Variants in STPG2 observed in about 807,000 individuals in gnomAD.
STPG2 encodes the protein sperm tail PG-rich repeat containing 2.
A neutral mutation model predicts 54.2 loss-of-function variants in STPG2; 56 were observed. That is an observed-to-expected ratio of 1.03 (90% confidence interval 0.83 to 1.29). The LOEUF is 1.29. Ranked by LOEUF, STPG2 falls within the 50% of genes most tolerant of loss-of-function variation. The pLI is 0.00. For missense variants in STPG2, 596 were observed against 544.9 expected, an observed-to-expected ratio of 1.09 and a Z score of -0.93; for synonymous variants, 200 against 181.8, an observed-to-expected ratio of 1.10 and a Z score of -0.81.
chr4:97,572,347 G>C (rs1394020817), intron 10 of STPG2, among the ~76,000 whole-genome samples: 1 of 152,062 alleles, frequency 6.6e-6, no homozygotes, highest in East Asian at 1.9e-4. Flanking sequence ...ACTCATTCCT[G>C]TCATCATAGA....
intron 4 of STPG2, among the ~76,000 whole-genome samples, chr4:97,458,247 C>T (rs927621388): frequency 6.6e-6 from 1 of 152,096 alleles, no homozygotes; most frequent in Non-Finnish European, 1.5e-5. Flanking sequence ...AAAGAGTAGC[C>T]TAATGTCCAC....
chr4:97,987,503 G>C (rs886457685), intron 5 of STPG2, among the ~76,000 whole-genome samples: 4 of 152,040 alleles, frequency 2.6e-5, no homozygotes, highest in Non-Finnish European at 5.9e-5. Flanking sequence ...AATTAATTCA[G>C]TAAGTTCTGA....
chr4:98,126,673 C>G (rs1216879388), intron 3 of STPG2, among the ~76,000 whole-genome samples: 1 of 152,216 alleles, frequency 6.6e-6, no homozygotes, highest in Non-Finnish European at 1.5e-5. Flanking sequence ...CCACAGACCA[C>G]AGCTGCTTCT....
At chr4:98,028,245 A>C (rs1736490040) in intron 5 of STPG2, among the ~76,000 whole-genome samples, 1 of 152,198 alleles carries the variant, frequency 6.6e-6, no homozygotes, top group Admixed American at 6.6e-5. Flanking sequence ...ATAGGTTGGA[A>C]ATTTCCCGCA....
chr4:97,889,546 C>T (rs1254350245), intron 8 of STPG2, among the ~76,000 whole-genome samples: 1 of 152,080 alleles, frequency 6.6e-6, no homozygotes, highest in African/African-American at 2.4e-5. Flanking sequence ...CATTATGTTA[C>T]ACAAAATAAG....
chr4:97,980,443 C>A (rs1235190350), intron 6 of STPG2, among the ~76,000 whole-genome samples: 1 of 152,120 alleles, frequency 6.6e-6, no homozygotes, highest in Non-Finnish European at 1.5e-5. Context: ...ATGCAGAAGA[C>A]ATGATATCCT....
At chr4:98,001,929 G>A (rs1393959208) in intron 5 of STPG2, among the ~76,000 whole-genome samples, 3 of 152,066 alleles carry the variant, frequency 2.0e-5, no homozygotes, top group Non-Finnish European at 4.4e-5. Flanking sequence ...TCCCCACTTA[G>A]CTCTTTAATA....
At chr4:97,919,329 G>GA (rs1227704779) in intron 8 of STPG2, among the ~76,000 whole-genome samples, 29 of 149,782 alleles carry the variant, frequency 1.9e-4, no homozygotes, top group Admixed American at 1.5e-3. Context: ...AAATGCAAAA[G>GA]AAAAAATATA....
intron 7 of STPG2, among the ~76,000 whole-genome samples, 191 bp downstream of exon 7, chr4:97,972,089 G>A (rs1234280606): frequency 6.6e-6 from 1 of 151,914 alleles, no homozygotes; most frequent in Non-Finnish European, 1.5e-5. Context: ...AATTCAATTT[G>A]TGTTTTTTAT....
intron 10 of STPG2, among the ~76,000 whole-genome samples, chr4:97,614,045 G>A (rs754710535): frequency 6.6e-6 from 1 of 152,020 alleles, no homozygotes; most frequent in Non-Finnish European, 1.5e-5. Flanking sequence ...TCAAATGAAT[G>A]TGTATTATGT....
chr4:97,916,096 G>A (rs1193099817), intron 8 of STPG2, among the ~76,000 whole-genome samples: 1 of 152,080 alleles, frequency 6.6e-6, no homozygotes, highest in African/African-American at 2.4e-5. Context: ...TGATTTGCCT[G>A]GGATATGTTT....
chr4:97,747,089 G>A (rs1401271488), intron 9 of STPG2, among the ~76,000 whole-genome samples: 3 of 150,860 alleles, frequency 2.0e-5, no homozygotes, highest in Non-Finnish European at 4.5e-5. Flanking sequence ...TAGAGTTATA[G>A]AACCAACCTT....
Position 97,972,367 on chromosome 4 carries a change from CT to C in STPG2, c.845del (p.Lys282ArgfsTer47). The C allele has an allele frequency of 9.3e-6, 15 of 1,610,248 alleles. No individual in the cohort carries two copies. The highest frequency in any genetic ancestry group is 2.7e-5 in the African/African-American group (2 of 74,902). On this transcript the variant is annotated frameshift_variant, in exon 7 of 11. Transcript: ENST00000295268. LOFTEE classifies it high-confidence loss of function. ...GAACAGAAGAACCAAATGCACTTTT[CT>C]TCTGTTTCTTTGAGCAGATATTTCT... Reference protein sequence around the residue: ...SVRNICSKKQKKSAFGSSVPR... With the variant: ...SVRNICSKKQXKSAFGSSVPR...
chr4:98,124,978 CT>C (rs1200116266), intron 3 of STPG2, among the ~76,000 whole-genome samples: 2 of 152,182 alleles, frequency 1.3e-5, no homozygotes, highest in Non-Finnish European at 2.9e-5. Flanking sequence ...GCTATTGACA[CT>C]TGTGATTGCA....
At chr4:97,715,148 C>A (rs1724247957) in intron 9 of STPG2, among the ~76,000 whole-genome samples, 1 of 152,128 alleles carries the variant, frequency 6.6e-6, no homozygotes, top group South Asian at 2.1e-4. Flanking sequence ...CCTTATCATA[C>A]TTAGTCTTGA....
intron 1 of STPG2, among the ~76,000 whole-genome samples, chr4:98,135,006 T>C (rs1740099598): frequency 6.6e-6 from 1 of 151,782 alleles, no homozygotes; most frequent in Non-Finnish European, 1.5e-5. Flanking sequence ...CACAAATTTC[T>C]TTGGAACAAG....
intron 8 of STPG2, among the ~76,000 whole-genome samples, chr4:97,872,469 C>T (rs1472078219): frequency 6.6e-6 from 1 of 150,910 alleles, no homozygotes; most frequent in Non-Finnish European, 1.5e-5. Context: ...TTCACATACA[C>T]AAACAATTAT....
At chr4:97,922,936 C>T (rs1387703894) in intron 8 of STPG2, among the ~76,000 whole-genome samples, 1 of 152,186 alleles carries the variant, frequency 6.6e-6, no homozygotes, top group East Asian at 1.9e-4. Context: ...CTCCTCCTTG[C>T]ATCTCTGGCC....
intron 8 of STPG2, among the ~76,000 whole-genome samples, chr4:97,896,682 G>A (rs1730967266): frequency 6.6e-6 from 1 of 151,608 alleles, no homozygotes; most frequent in African/African-American, 2.4e-5. Flanking sequence ...CTTTATGAAT[G>A]CAAATTTCAC....
Sources: gnomAD v4.1 joint callset for allele counts (sites outside exome capture counted in the v4.1 genomes callset) on GRCh38, gnomAD v4.1.1 for gene constraint, MANE v1.5 for transcripts, NCBI Gene and HGNC (gene_info 2026-07-23, HGNC 2026-07-21) for gene names.